Variants in RANBP17 observed in about 807,000 individuals in gnomAD.
The protein encoded by RANBP17 is ran-binding protein 17.
In RANBP17, 158 loss-of-function variants were observed where a neutral mutation model predicts 141.2. The ratio of observed to expected loss-of-function variants is 1.12; its 90% CI spans 0.98 to 1.28. RANBP17 has a LOEUF of 1.28. Ranked by LOEUF, RANBP17 falls within the 50% of genes most tolerant of loss-of-function variation. RANBP17 has a pLI of 0.00. For synonymous variants in RANBP17, 430 were observed against 450.0 expected, an observed-to-expected ratio of 0.96 and a Z score of 0.56; for missense variants, 1,438 against 1,290.7, an observed-to-expected ratio of 1.11 and a Z score of -1.75.
intron 25 of RANBP17, among the ~76,000 whole-genome samples, chr5:171,292,871 C>T (rs560481977): frequency 7.2e-5 from 11 of 152,312 alleles, no homozygotes; most frequent in African/African-American, 2.4e-5. Context: ...CATGTCTCAT[C>T]TGTGCTGCAA....
At chr5:170,923,516 T>C (rs1281317775) in intron 11 of RANBP17, among the ~76,000 whole-genome samples, 1 of 152,218 alleles carries the variant, frequency 6.6e-6, no homozygotes, top group Non-Finnish European at 1.5e-5. Context: ...AGTTTCTTAG[T>C]TTCTACAAAG....
intron 19 of RANBP17, among the ~76,000 whole-genome samples, chr5:171,202,285 CA>C (rs561548585): frequency 2.2e-3 from 338 of 152,222 alleles, no homozygotes; most frequent in African/African-American, 7.9e-3. Flanking sequence ...AGTACTCTTT[CA>C]AAACGTATGT....
At chr5:171,250,575 A>G (rs1419635028) in intron 24 of RANBP17, among the ~76,000 whole-genome samples, 1 of 152,236 alleles carries the variant, frequency 6.6e-6, no homozygotes, top group Non-Finnish European at 1.5e-5. Context: ...ATTTGATCCA[A>G]CTATATACTG....
At chr5:171,176,675 A>G (rs187620473) in intron 16 of RANBP17, among the ~76,000 whole-genome samples, 18 of 152,354 alleles carry the variant, frequency 1.2e-4, no homozygotes, top group African/African-American at 4.1e-4. Flanking sequence ...AAATCTACAC[A>G]TTAAAAATAA....
chr5:171,075,932 G>T (rs771448582), intron 14 of RANBP17, among the ~76,000 whole-genome samples: 1 of 152,022 alleles, frequency 6.6e-6, no homozygotes, highest in African/African-American at 2.4e-5. Flanking sequence ...CAGCCTGGGC[G>T]TCAGAGTGAG....
intron 14 of RANBP17, among the ~76,000 whole-genome samples, chr5:171,046,470 A>G (rs1265724094): frequency 6.6e-6 from 1 of 151,846 alleles, no homozygotes. Flanking sequence ...AGCCTCCCAA[A>G]GTGCTGGGAT....
chr5:171,125,691 A>G (rs570195326), intron 14 of RANBP17, among the ~76,000 whole-genome samples: 1 of 152,312 alleles, frequency 6.6e-6, no homozygotes, highest in South Asian at 2.1e-4. Flanking sequence ...TTTACAGAAC[A>G]TTTAGCCCAA....
intron 25 of RANBP17, among the ~76,000 whole-genome samples, chr5:171,285,700 AAATGGAT>A (rs1447581969): frequency 2.0e-5 from 3 of 152,216 alleles, no homozygotes; most frequent in African/African-American, 7.2e-5. Flanking sequence ...AAAAAGTTTC[AAATGGAT>A]AATGAAGATT....
intron 4 of RANBP17, among the ~76,000 whole-genome samples, chr5:170,893,007 C>A (rs764473202): frequency 1.3e-5 from 2 of 151,976 alleles, no homozygotes; most frequent in African/African-American, 4.8e-5. Flanking sequence ...CTCCAACTTA[C>A]GATAAATTTT....
At chr5:171,230,500 C>A (rs1244020691) in intron 22 of RANBP17, among the ~76,000 whole-genome samples, 8 of 152,172 alleles carry the variant, frequency 5.3e-5, no homozygotes, top group African/African-American at 1.9e-4. Flanking sequence ...GTGACTCATG[C>A]CTGTAATCCC....
intron 25 of RANBP17, among the ~76,000 whole-genome samples, chr5:171,274,163 C>T (rs1053312613): frequency 2.1e-5 from 3 of 141,624 alleles, no homozygotes; most frequent in Non-Finnish European, 4.7e-5. Context: ...CGCGCGCGCG[C>T]GTGCGCAAAA....
At chr5:171,068,384 C>T (rs1784432617) in intron 14 of RANBP17, among the ~76,000 whole-genome samples, 1 of 152,156 alleles carries the variant, frequency 6.6e-6, no homozygotes, top group Admixed American at 6.5e-5. Context: ...TCTAGTAAAT[C>T]CAATGTATGG....
intron 3 of RANBP17, among the ~76,000 whole-genome samples, chr5:170,888,571 C>A (rs187666461): frequency 6.6e-6 from 1 of 152,192 alleles, no homozygotes; most frequent in East Asian, 1.9e-4. Context: ...TATTGTGTAA[C>A]CTTGCTGTAA....
Position 171,209,963 on chromosome 5 carries a change from C to T in RANBP17, c.2232-3668C>T, listed in dbSNP as rs192343069. Among the ~76,000 whole-genome samples, 211 of 151,794 alleles carry T rather than the reference C, an allele frequency of 1.4e-3. No individual in the cohort carries two copies. The Middle Eastern group carries it at 0.027, about 20-fold the overall frequency. On this transcript the variant is annotated intron_variant, in intron 20 of 27. Coordinates refer to ENST00000523189, the MANE Select transcript of RANBP17 (RefSeq NM_022897.5). Reference sequence around the variant, plus strand: ...ATAGATGGACGGACGGACAGACGGACGGATGGATGGATGGATAGATATTGT... The same window carrying T: ...ATAGATGGACGGACGGACAGACGGATGGATGGATGGATGGATAGATATTGT...
At chr5:170,896,200 A>G in intron 5 of RANBP17, 85 bp downstream of exon 5, 1 of 922,896 alleles carries the variant, frequency 1.1e-6, no homozygotes, top group Non-Finnish European at 1.7e-6. Context: ...GGCAAAATAG[A>G]CAGCCTTCAT....
intron 14 of RANBP17, among the ~76,000 whole-genome samples, chr5:171,119,750 T>C (rs563671558): frequency 6.6e-6 from 1 of 152,098 alleles, no homozygotes; most frequent in Admixed American, 6.6e-5. Flanking sequence ...TAAAAAGAGG[T>C]GCCACCTGGC....
intron 14 of RANBP17, among the ~76,000 whole-genome samples, chr5:171,013,262 C>T (rs1490010655): frequency 2.0e-5 from 3 of 152,146 alleles, no homozygotes; most frequent in African/African-American, 7.2e-5. Context: ...TTCCAGCCTT[C>T]GTGGAGCATC....
At chr5:171,298,602 G>A (rs1042168442) in intron 27 of RANBP17, among the ~76,000 whole-genome samples, 160 bp from the exon 28 acceptor site, 28 of 152,258 alleles carry the variant, frequency 1.8e-4, no homozygotes, top group Admixed American at 1.8e-3. Context: ...GAACAGCAAT[G>A]GCGGTGAAAG....
intron 14 of RANBP17, among the ~76,000 whole-genome samples, chr5:171,162,514 A>G (rs1004893657): frequency 6.6e-6 from 1 of 152,016 alleles, no homozygotes; most frequent in Admixed American, 6.6e-5. Flanking sequence ...TAGACCCTAG[A>G]TCTGCTTGGG....
Sources: gnomAD v4.1 joint callset for allele counts (sites outside exome capture counted in the v4.1 genomes callset) on GRCh38, gnomAD v4.1.1 for gene constraint, MANE v1.5 for transcripts, NCBI Gene and HGNC (gene_info 2026-07-23, HGNC 2026-07-21) for gene names.